The following RBBP8 variants were observed in gnomAD, a reference collection of about 807,000 sequenced individuals.
The protein encoded by RBBP8 is RB binding protein 8, endonuclease.
A neutral mutation model predicts 108.3 loss-of-function variants in RBBP8; 88 were observed. The ratio of observed to expected loss-of-function variants is 0.81; its 90% CI spans 0.68 to 0.97. RBBP8 has a LOEUF of 0.97. RBBP8 is among the 50% of genes least tolerant of loss of function. The pLI is 0.00. For missense variants in RBBP8, 1,023 were observed against 1,049.0 expected, an observed-to-expected ratio of 0.98 and a Z score of 0.34; for synonymous variants, 332 against 348.2, an observed-to-expected ratio of 0.95 and a Z score of 0.52.
At chr18:22,933,058 GACA>G (rs1255122362), upstream of RBBP8, among the ~76,000 whole-genome samples, 1 of 152,248 alleles carries the variant, frequency 6.6e-6, no homozygotes. Context: ...GCTTAAGCTA[GACA>G]CAGTGTACAG....
At chr18:22,998,118 G>C (rs2045890803) in intron 14 of RBBP8, among the ~76,000 whole-genome samples, 1 of 152,084 alleles carries the variant, frequency 6.6e-6, no homozygotes, top group African/African-American at 2.4e-5. Context: ...GCCTAAAATA[G>C]TTATTTTCTG....
chr18:23,006,502 C>T, intron 16 of RBBP8, 70 bp downstream of exon 16: 2 of 1,309,244 alleles, frequency 1.5e-6, no homozygotes, highest in South Asian at 2.4e-5. Flanking sequence ...ATTTCTCTCT[C>T]TTTTTTCTTT....
In RBBP8 at chr18:23,017,050, C is replaced by T. The variant is rs1319540969; in HGVS notation, c.2454+126C>T. ...AACCTCTTATTTGAGCCAGGCGTAACAGCAGGAATAAGGAGTATTCTGGGT... is the reference window on the plus strand; with the variant it reads ...AACCTCTTATTTGAGCCAGGCGTAATAGCAGGAATAAGGAGTATTCTGGGT... On this transcript the variant is annotated intron_variant, in intron 17 of 18. Coordinates refer to ENST00000327155, the MANE Select transcript of RBBP8 (RefSeq NM_002894.3). The T allele has an allele frequency of 5.1e-6, 4 of 782,680 alleles. No homozygotes were observed. The East Asian group carries it at 8.2e-5, about 16-fold the overall frequency. 48.5% of individuals were successfully genotyped at this position (782,680 alleles called of 1,614,324 possible).
At chr18:22,954,575 T>C (rs1466932688) in intron 4 of RBBP8, among the ~76,000 whole-genome samples, 1 of 152,194 alleles carries the variant, frequency 6.6e-6, no homozygotes, top group African/African-American at 2.4e-5. Context: ...CAGGCTGGCA[T>C]TGAGTGTTTG....
chr18:22,984,843 A>G (rs371967317), intron 7 of RBBP8, 43 bp from the exon 8 acceptor site: 380 of 1,144,382 alleles, frequency 3.3e-4, no homozygotes, highest in African/African-American at 7.0e-4. Context: ...GCTTTTCATC[A>G]TCATTGTTTA....
At chr18:22,959,624 C>A (rs912283929) in intron 4 of RBBP8, among the ~76,000 whole-genome samples, 1 of 151,936 alleles carries the variant, frequency 6.6e-6, no homozygotes, top group African/African-American at 2.4e-5. Flanking sequence ...TGTGAGATTT[C>A]TTTTATTCTC....
intron 4 of RBBP8, among the ~76,000 whole-genome samples, chr18:22,965,466 C>G (rs1267125073): frequency 6.6e-6 from 1 of 152,000 alleles, no homozygotes; most frequent in Non-Finnish European, 1.5e-5. Context: ...CTCCTTAATT[C>G]TATTTTCTAG....
intron 16 of RBBP8, among the ~76,000 whole-genome samples, chr18:23,015,292 A>C (rs2144813500): frequency 6.6e-6 from 1 of 152,312 alleles, no homozygotes; most frequent in Non-Finnish European, 1.5e-5. Flanking sequence ...CTGGGTTCTT[A>C]GTACTGGAAA....
chr18:22,917,677 A>C (rs556684578), intron 3 of RBBP8, among the ~76,000 whole-genome samples: 1 of 152,312 alleles, frequency 6.6e-6, no homozygotes, highest in South Asian at 2.1e-4. Flanking sequence ...AAAGATAAAA[A>C]TAAAATCAGC....
chr18:22,917,269 A>G (rs975531640), intron 3 of RBBP8, among the ~76,000 whole-genome samples: 2 of 152,176 alleles, frequency 1.3e-5, no homozygotes, highest in African/African-American at 4.8e-5. Flanking sequence ...AATCGCTTTC[A>G]TTTGTTTCTT....
intron 4 of RBBP8, among the ~76,000 whole-genome samples, chr18:22,968,383 A>G (rs1027427051): frequency 2.2e-4 from 34 of 152,192 alleles, no homozygotes; most frequent in African/African-American, 7.5e-4. Flanking sequence ...TGATTGGCAA[A>G]TAAATTTTGA....
intron 18 of RBBP8, among the ~76,000 whole-genome samples, chr18:23,024,319 C>A (rs546810835): frequency 1.3e-5 from 2 of 152,208 alleles, no homozygotes; most frequent in South Asian, 4.2e-4. Context: ...ATCAAACATT[C>A]TTTTAATAAG....
rs768899682 is a variant in RBBP8 at position 22,968,915 on chromosome 18, C to T, written c.358C>T (p.Leu120Phe). The change falls in exon 5 of 19, where the codon CTT becomes TTT. Residue 120 changes from leucine to phenylalanine, a missense_variant. Leu to Phe is a conservative substitution (Grantham distance 22, BLOSUM62 0). Transcript: ENST00000327155. ...GCAGAATCTTAAACTTATTACAGAA[C>T]TTAGTGAGTTTCCTTTCTTCATTTA... is the stretch of plus-strand genomic sequence containing the variant. ...RQQNLKLITE[L>F]MNERNTLQEE... The T allele has an allele frequency of 5.6e-6, 9 of 1,599,616 alleles. No homozygotes were observed. The highest frequency in any genetic ancestry group is 1.3e-5 in the African/African-American group (1 of 74,512).
intron 5 of RBBP8, among the ~76,000 whole-genome samples, chr18:22,970,665 C>T (rs1387410292): frequency 6.6e-6 from 1 of 152,082 alleles, no homozygotes; most frequent in Non-Finnish European, 1.5e-5. Context: ...TTTATATGAT[C>T]GTCTTCTTGG....
In RBBP8 at chr18:22,986,039, C is replaced by G. The variant is rs762077352; in HGVS notation, c.709+1049C>G. The stretch of plus-strand genomic sequence containing the variant: ...CTGGAATTTTATTACTGCAGATCTA[C>G]TGTATATCTGTTTAGGTGATACGTG... On this transcript the variant is annotated intron_variant, in intron 8 of 18. Transcript: ENST00000327155. Among the ~76,000 whole-genome samples, 98 of 149,964 alleles carry G rather than the reference C, an allele frequency of 6.5e-4. 1 individual carries two copies. Among genetic ancestry groups the G allele is most frequent in the Non-Finnish European group, 1.2e-3 (84 of 67,628 alleles).
At chr18:22,931,583 C>T (rs1910032897), upstream of RBBP8, among the ~76,000 whole-genome samples, 1 of 152,052 alleles carries the variant, frequency 6.6e-6, no homozygotes, top group African/African-American at 2.4e-5. Flanking sequence ...CTAAGAAATA[C>T]TAATTATGGC....
rs201789067 is a variant in RBBP8, at chr18:23,022,643, AAATACAATATAAAATAAAAT to A, written c.2596+376_2596+395del. On this transcript the variant is annotated intron_variant, in intron 18 of 18. Coordinates refer to ENST00000327155, the MANE Select transcript of RBBP8 (RefSeq NM_002894.3). ...AAAATAAAATAAAATAAAATAAATA[AAATACAATATAAAATAAAAT>A]AAAATAAATAACTGTATATGCCCAA... Among the ~76,000 whole-genome samples the A allele has an allele frequency of 1.3e-3, 73 of 57,580 alleles. 2 individuals are homozygous for A. Among genetic ancestry groups the A allele is most frequent in the South Asian group, 1.7e-3 (3 of 1,802 alleles). The allele number at this position is 57,580 out of a possible 152,430, so 37.8% of individuals were successfully genotyped here.
chr18:22,979,668 A>G (rs991221362), intron 6 of RBBP8, among the ~76,000 whole-genome samples: 3 of 152,256 alleles, frequency 2.0e-5, no homozygotes, highest in Non-Finnish European at 4.4e-5. Context: ...TAATGGTTTG[A>G]CATGGGAAAG....
chr18:23,008,769 A>G (rs75319744), intron 16 of RBBP8, among the ~76,000 whole-genome samples: 1 of 100,026 alleles, frequency 1.0e-5, no homozygotes, highest in Admixed American at 1.3e-4. Context: ...TATGACTTTG[A>G]TTTTTTTTTT....
Sources: gnomAD v4.1 joint callset for allele counts (sites outside exome capture counted in the v4.1 genomes callset) on GRCh38, gnomAD v4.1.1 for gene constraint, MANE v1.5 for transcripts, NCBI Gene and HGNC (gene_info 2026-07-23, HGNC 2026-07-21) for gene names.